PRELID2: variants seen among roughly 807,000 people sequenced by gnomAD.
PRELID2 encodes PRELI domain containing 2.
Under a neutral mutation model 28.4 loss-of-function variants are expected in PRELID2, and 25 were observed. That is an observed-to-expected ratio of 0.88 (90% CI 0.64 to 1.23). PRELID2 has a LOEUF of 1.23. Among genes scored for constraint, PRELID2 ranks in the 50% most tolerant of loss-of-function variants. The pLI is 0.00. For synonymous variants in PRELID2, 76 were observed against 71.6 expected (o/e 1.06, Z -0.31); for missense variants, 201 against 214.4 (o/e 0.94, Z 0.39).
At chr5:145,381,606 G>T in the PRELID2 span, 7 of 152,340 alleles carry the variant, frequency 4.6e-5, no homozygotes, top group African/African-American at 1.7e-4. Flanking sequence ...GAACAAATTG[G>T]GTCCCAACAA....
At chr5:145,289,862 G>A in the PRELID2 span, among the ~76,000 whole-genome samples, 3 of 152,222 alleles carry the variant, frequency 2.0e-5, no homozygotes, top group African/African-American at 7.2e-5. Context: ...ATGACATTGA[G>A]CATCTTTTCA....
chr5:145,626,110 C>T (rs1753841390), intron 1 of PRELID2, among the ~76,000 whole-genome samples: 1 of 152,082 alleles, frequency 6.6e-6, no homozygotes, highest in African/African-American at 2.4e-5. Flanking sequence ...CTCTTGTGAA[C>T]TTTGGCCTAG....
intron 1 of PRELID2, among the ~76,000 whole-genome samples, chr5:145,533,968 T>C (rs1040970972): frequency 1.3e-5 from 2 of 152,192 alleles, no homozygotes; most frequent in African/African-American, 4.8e-5. Context: ...GCCACAGAAG[T>C]ATCAGTGATA....
chr5:145,487,091 T>G, intron 1 of PRELID2, among the ~76,000 whole-genome samples: 2 of 91,260 alleles, frequency 2.2e-5, no homozygotes, highest in Admixed American at 1.5e-4. Context: ...GGGACTGTGG[T>G]GGGGTGGGGG....
At chr5:145,404,862 G>A in the PRELID2 span, among the ~76,000 whole-genome samples, 6 of 152,150 alleles carry the variant, frequency 3.9e-5, no homozygotes, top group Admixed American at 3.3e-4. Context: ...TCTGCATGGT[G>A]AGATTAGACA....
At chr5:145,568,925 T>C (rs1309617050) in intron 1 of PRELID2, among the ~76,000 whole-genome samples, 1 of 152,256 alleles carries the variant, frequency 6.6e-6, no homozygotes, top group Non-Finnish European at 1.5e-5. Context: ...AATTGGCATA[T>C]ATTTTATTGC....
chr5:145,380,954 T>C, the PRELID2 span, among the ~76,000 whole-genome samples: 2 of 152,290 alleles, frequency 1.3e-5, no homozygotes, highest in African/African-American at 2.4e-5. Flanking sequence ...CTATGTAACA[T>C]AGAACATTAG....
At chr5:145,693,556 G>A (rs950961330) in intron 1 of PRELID2, among the ~76,000 whole-genome samples, 2 of 152,056 alleles carry the variant, frequency 1.3e-5, no homozygotes, top group Admixed American at 1.3e-4. Flanking sequence ...ACCACTTGAG[G>A]CCAGGAATTT....
the PRELID2 span, among the ~76,000 whole-genome samples, chr5:145,314,783 C>T: frequency 0.39 from 58,857 of 151,550 alleles, 12,158 homozygotes; most frequent in African/African-American, 0.53. Flanking sequence ...GCACCTAAAA[C>T]AATTAACTTT....
chr5:145,298,106 T>G, the PRELID2 span, among the ~76,000 whole-genome samples: 4 of 152,054 alleles, frequency 2.6e-5, no homozygotes, highest in Admixed American at 2.6e-4. Context: ...CTTCACAGAA[T>G]TGGAAAAAAC....
the PRELID2 span, among the ~76,000 whole-genome samples, chr5:145,374,662 G>T: frequency 6.6e-6 from 1 of 152,060 alleles, no homozygotes; most frequent in Admixed American, 6.6e-5. Context: ...CATATTTCTT[G>T]GAGGCTTTGT....
intron 1 of PRELID2, among the ~76,000 whole-genome samples, chr5:145,549,912 AT>A (rs1752820568): frequency 6.6e-6 from 1 of 152,054 alleles, no homozygotes; most frequent in Non-Finnish European, 1.5e-5. Flanking sequence ...TTATAACCTC[AT>A]TTTAAAAGAT....
chr5:145,347,270 C>A, the PRELID2 span, among the ~76,000 whole-genome samples: 21 of 152,200 alleles, frequency 1.4e-4, no homozygotes, highest in African/African-American at 5.1e-4. Context: ...ATTCAGAAAG[C>A]TGAGTTGAAA....
At chr5:145,727,049 G>A (rs1233505403) in intron 1 of PRELID2, among the ~76,000 whole-genome samples, 1 of 152,210 alleles carries the variant, frequency 6.6e-6, no homozygotes, top group East Asian at 1.9e-4. Context: ...TGAAGGCCCA[G>A]AGTTCTGGAA....
chr5:145,475,353 A>T (rs1273984903), intron 1 of PRELID2, among the ~76,000 whole-genome samples: 1 of 152,204 alleles, frequency 6.6e-6, no homozygotes. Context: ...CAGGGCCCAG[A>T]AAATATTGTG....
the PRELID2 span, among the ~76,000 whole-genome samples, chr5:145,415,679 A>T: frequency 2.0e-5 from 3 of 151,296 alleles, no homozygotes; most frequent in East Asian, 5.8e-4. Context: ...CCAGTCTATC[A>T]TTGTTGGACA....
chr5:145,703,210 G>C (rs1755454860), intron 1 of PRELID2, among the ~76,000 whole-genome samples: 1 of 152,144 alleles, frequency 6.6e-6, no homozygotes, highest in African/African-American at 2.4e-5. Flanking sequence ...TATCAGATAG[G>C]AATTTTTATG....
At chr5:145,727,356 T>C (rs1253483433) in intron 1 of PRELID2, among the ~76,000 whole-genome samples, 1 of 152,170 alleles carries the variant, frequency 6.6e-6, no homozygotes, top group East Asian at 1.9e-4. Flanking sequence ...CCTTCCACCC[T>C]TTAGCACAGA....
chr5:145,500,675 G>A (rs995858957), intron 1 of PRELID2, among the ~76,000 whole-genome samples: 10 of 152,130 alleles, frequency 6.6e-5, no homozygotes, highest in Non-Finnish European at 1.0e-4. Flanking sequence ...AGCATGATGC[G>A]TTGGAAAATT....
Sources: allele counts gnomAD v4.1 joint callset (sites outside exome capture counted in the v4.1 genomes callset), GRCh38; gene constraint gnomAD v4.1.1; transcripts MANE v1.5; gene names NCBI Gene and HGNC (gene_info 2026-07-23, HGNC 2026-07-21).